The following MINAR1 variants were observed in gnomAD, a reference collection of about 807,000 sequenced individuals.
The protein encoded by MINAR1 is membrane integral NOTCH2 associated receptor 1, also known as major intrinsically disordered Notch2-binding receptor 1.
Under a neutral mutation model 65.1 loss-of-function variants are expected in MINAR1, and 40 were observed. The ratio of observed to expected loss-of-function variants is 0.61; its 90% CI spans 0.48 to 0.80. The LOEUF is 0.80. Among genes scored for constraint, MINAR1 ranks in the 30% least tolerant of loss-of-function variants. MINAR1 has a pLI of 0.00. For synonymous variants in MINAR1, 482 were observed against 449.1 expected (o/e 1.07, Z -0.93); for missense variants, 1,128 against 1,148.0 (o/e 0.98, Z 0.25).
intron 1 of MINAR1, among the ~76,000 whole-genome samples, chr15:79,449,538 G>C (rs980865248): frequency 7.2e-6 from 1 of 139,046 alleles, no homozygotes; most frequent in African/African-American, 2.9e-5. Context: ...CAAGCTAGCA[G>C]AATGCTGCAC....
chr15:79,415,446 A>G, the MINAR1 span: 1 of 152,152 alleles, frequency 6.6e-6, no homozygotes, highest in African/African-American at 2.4e-5. Flanking sequence ...GGGCCTTTTA[A>G]TCTTATTTGC....
At chr15:79,442,406 G>A (rs1894895963) in intron 1 of MINAR1, among the ~76,000 whole-genome samples, 1 of 151,418 alleles carries the variant, frequency 6.6e-6, no homozygotes, top group South Asian at 2.1e-4. Context: ...TCTATATTTG[G>A]GTCTGCTACT....
Position 79,457,503 on chromosome 15 carries a change from C to A in MINAR1, c.1356C>A (p.Val452=). 1.2e-6 allele frequency: 2 copies of A among 1,614,114 alleles called. No homozygotes were observed. Among genetic ancestry groups the A allele is most frequent in the Non-Finnish European group, 1.7e-6 (2 of 1,180,014 alleles). The part of the protein sequence containing the change: ...SPVDLEKHEP[V]KKFKDKSINC... ...TTGACCTGGAGAAGCATGAACCAGT[C>A]AAAAAGTTTAAAGACAAGAGCATTA... The change falls in exon 2 of 4, where the codon GTC becomes GTA. Residue 452 remains valine, a synonymous_variant. Coordinates refer to ENST00000305428, the MANE Select transcript of MINAR1 (RefSeq NM_015206.3).
chr15:79,419,656 A>G, the MINAR1 span: 3 of 152,232 alleles, frequency 2.0e-5, no homozygotes, highest in Admixed American at 6.5e-5. Flanking sequence ...ATAACTAAGA[A>G]GATCTTGGAA....
rs1894467475 is a variant in MINAR1, at chr15:79,432,413, G to A, written c.-178G>A. Reference sequence around the variant, plus strand: ...CCCTGGGCGCGGAATCCGGGCTGCCGGGTGACAGTGACCAGCTGACTCTGG... The same window carrying A: ...CCCTGGGCGCGGAATCCGGGCTGCCAGGTGACAGTGACCAGCTGACTCTGG... On this transcript the variant is annotated 5_prime_UTR_variant, in exon 1 of 4. Transcript: ENST00000305428. 6.6e-6 allele frequency: 1 copy of A among 152,346 alleles called. No individual in the cohort carries two copies. Among genetic ancestry groups the A allele is most frequent in the Non-Finnish European group, 1.5e-5 (1 of 68,162 alleles). The allele number at this position is 152,346 out of a possible 1,614,324, so 9.4% of individuals were successfully genotyped here. A position where few individuals can be genotyped will look rare whatever the true frequency, so the allele number is the denominator to read the frequency against.
At chr15:79,451,064 T>C (rs533279264) in intron 1 of MINAR1, among the ~76,000 whole-genome samples, 120 of 152,318 alleles carry the variant, frequency 7.9e-4, no homozygotes, top group Non-Finnish European at 1.3e-3. Context: ...CCCAGGTCTG[T>C]GGGCCCCTGT....
At chr15:79,433,997 A>G (rs1894525822) in intron 1 of MINAR1, among the ~76,000 whole-genome samples, 1 of 152,212 alleles carries the variant, frequency 6.6e-6, no homozygotes, top group South Asian at 2.1e-4. Context: ...GTGAGTCTGC[A>G]GAGAGGGCAA....
chr15:79,418,466 A>G, the MINAR1 span: 3 of 152,266 alleles, frequency 2.0e-5, no homozygotes, highest in Non-Finnish European at 2.9e-5. Context: ...CACAAACTCC[A>G]TAGAAATGAT....
chr15:79,426,722 T>C, the MINAR1 span: 1 of 152,180 alleles, frequency 6.6e-6, no homozygotes, highest in Non-Finnish European at 1.5e-5. Context: ...GTCTCCAGCC[T>C]GACTCAAGGA....
chr15:79,436,703 T>C (rs763161794), intron 1 of MINAR1, among the ~76,000 whole-genome samples: 6 of 152,252 alleles, frequency 3.9e-5, no homozygotes, highest in Non-Finnish European at 7.3e-5. Flanking sequence ...TGCATACGCA[T>C]GCATGTCATT....
In MINAR1 at chr15:79,456,634, T is replaced by G. The variant is rs1454549035; in HGVS notation, c.487T>G (p.Cys163Gly). 1.2e-6 allele frequency: 2 copies of G among 1,614,094 alleles called. No homozygotes were observed. Among genetic ancestry groups the G allele is most frequent in the African/African-American group, 2.7e-5 (2 of 74,946 alleles). ...RQSSKCRKMD[C>G]KDCPQFVPAS... is the part of the protein sequence containing the mutation. The stretch of plus-strand genomic sequence containing the variant: ...GTCGTCCAAGTGCCGGAAGATGGAC[T>G]GCAAGGACTGCCCACAGTTTGTCCC... Residue 163 changes from cysteine to glycine, a missense_variant, in exon 2 of 4, where the codon TGC becomes GGC. Transcript: ENST00000305428.
At chr15:79,433,248 C>T (rs1894503380) in intron 1 of MINAR1, among the ~76,000 whole-genome samples, 1 of 152,082 alleles carries the variant, frequency 6.6e-6, no homozygotes, top group Non-Finnish European at 1.5e-5. Context: ...CATTTGTCCC[C>T]TCGCCGGCGG....
intron 1 of MINAR1, among the ~76,000 whole-genome samples, chr15:79,452,443 AGTGTGTGTGGGTGTGAGTCTGG>A (rs1895243348): frequency 6.9e-6 from 1 of 144,094 alleles, no homozygotes; most frequent in African/African-American, 2.6e-5. Context: ...AGTCTGTGTG[AGTGTGTGTGGGTGTGAGTCTGG>A]GTGTGAAGCT....
At position 79,457,068 on chromosome 15, in the gene MINAR1, C is replaced by G. The variant is rs771870986; in HGVS notation, c.921C>G (p.Pro307=). Residue 307 remains proline, a synonymous_variant, in exon 2 of 4, where the codon CCC becomes CCG. Transcript: ENST00000305428. ...PPFFNHSFEM[P]YNSQYLNPVY... ...TCTTCAACCACAGCTTTGAAATGCC[C>G]TATAACAGCCAGTACCTGAATCCAG... 1.9e-6 allele frequency: 3 copies of G among 1,614,148 alleles called. No individual in the cohort carries two copies. The South Asian group carries it at 3.3e-5, about 18-fold the overall frequency.
At chr15:79,446,602 G>A (rs1295712927) in intron 1 of MINAR1, among the ~76,000 whole-genome samples, 2 of 151,212 alleles carry the variant, frequency 1.3e-5, no homozygotes, top group African/African-American at 2.4e-5. Flanking sequence ...AATTTTTTAG[G>A]CAAGTTTTTC....
chr15:79,451,202 C>G (rs1191960392), intron 1 of MINAR1, among the ~76,000 whole-genome samples: 1 of 152,146 alleles, frequency 6.6e-6, no homozygotes, highest in Admixed American at 6.5e-5. Context: ...TTTTAAAACT[C>G]CTAAAGACCT....
At chr15:79,467,078 G>GA (rs1352659232) in intron 3 of MINAR1, among the ~76,000 whole-genome samples, 1 of 152,112 alleles carries the variant, frequency 6.6e-6, no homozygotes. Context: ...AGAGCAAGAT[G>GA]AAAAAAGAGA....
chr15:79,463,510 T>C (rs535940465), intron 3 of MINAR1, among the ~76,000 whole-genome samples, 189 bp downstream of exon 3: 105 of 152,348 alleles, frequency 6.9e-4, no homozygotes, highest in African/African-American at 2.4e-3. Context: ...GGGATCGTTG[T>C]TTTGCTTATT....
rs1894841036 is a variant in MINAR1, at chr15:79,440,517, C to G, written c.-51+7977C>G. ...GCCTTTGGGAAATTGTGAGTGTTCC[C>G]TGTCTTAGAAGCCATCATGCCCAGG... On this transcript the variant is annotated intron_variant, in intron 1 of 3. Transcript: ENST00000305428. Among the ~76,000 whole-genome samples the G allele has an allele frequency of 2.0e-5, 3 of 152,204 alleles. No individual in the cohort carries two copies. The South Asian group carries it at 6.2e-4, about 31-fold the overall frequency.
Sources: allele counts gnomAD v4.1 joint callset (sites outside exome capture counted in the v4.1 genomes callset), GRCh38; gene constraint gnomAD v4.1.1; transcripts MANE v1.5; gene names NCBI Gene and HGNC (gene_info 2026-07-23, HGNC 2026-07-21).